GFRA3: variants seen among roughly 807,000 people sequenced by gnomAD.
GFRA3 encodes GDNF family receptor alpha-3.
Under a neutral mutation model 40.0 loss-of-function variants are expected in GFRA3, and 24 were observed. The ratio of observed to expected loss-of-function variants is 0.60; its 90% confidence interval spans 0.43 to 0.84. GFRA3 has a LOEUF of 0.84. Among genes scored for constraint, GFRA3 ranks in the 40% least tolerant of loss-of-function variants. The pLI, the probability that GFRA3 is intolerant of heterozygous loss-of-function variation, is 0.00. For missense variants in GFRA3, 405 were observed against 530.6 expected, an observed-to-expected ratio of 0.76 and a Z score of 2.33; for synonymous variants, 203 against 213.5, an observed-to-expected ratio of 0.95 and a Z score of 0.43.
chr5:138,272,593 G>C (rs1755891956), intron 1 of GFRA3, among the ~76,000 whole-genome samples: 1 of 151,342 alleles, frequency 6.6e-6, no homozygotes, highest in Non-Finnish European at 1.5e-5. Context: ...CAGTGAACTG[G>C]AATCACACCA....
chr5:138,254,034 C>T, intron 5 of GFRA3, 23 bp downstream of exon 5: 1 of 1,570,750 alleles, frequency 6.4e-7, no homozygotes, highest in Non-Finnish European at 8.8e-7. Context: ...CATAGGGTTC[C>T]CTACACATGC....
intron 4 of GFRA3, among the ~76,000 whole-genome samples, chr5:138,256,820 G>A (rs907594993): frequency 4.0e-5 from 6 of 151,760 alleles, no homozygotes; most frequent in African/African-American, 1.5e-4. Flanking sequence ...GGTGGCACAA[G>A]CCTGTAGTCC....
chr5:138,268,284 G>GAAAAAAAAAAAAAAAAAAA (rs60958894), intron 1 of GFRA3, among the ~76,000 whole-genome samples: 2 of 33,150 alleles, frequency 6.0e-5, no homozygotes, highest in Admixed American at 6.1e-4. Context: ...GACTCCATCT[G>GAAAAAAAAAAAAAAAAAAA]AAAAAAAAAA....
At chr5:138,271,909 T>TGTGTGTGTGTGTGTGTA (rs61550132) in intron 1 of GFRA3, among the ~76,000 whole-genome samples, 1 of 99,648 alleles carries the variant, frequency 1.0e-5, no homozygotes, top group Non-Finnish European at 2.1e-5. Context: ...TTTTTTTTTT[T>TGTGTGTGTGTGTGTGTA]TTTTTGTGTG....
At chr5:138,254,278 C>T in intron 4 of GFRA3, 118 bp from the exon 5 acceptor site, 1 of 661,602 alleles carries the variant, frequency 1.5e-6, no homozygotes. Flanking sequence ...ACCTCTGCCT[C>T]CCAGGTTCAA....
At chr5:138,266,831 G>A (rs1459669184) in intron 1 of GFRA3, among the ~76,000 whole-genome samples, 6 of 151,854 alleles carry the variant, frequency 4.0e-5, no homozygotes, top group Admixed American at 3.3e-4. Context: ...ACAGGCACCC[G>A]CCACAATGCT....
chr5:138,263,993 G>T (rs116792216), intron 2 of GFRA3, among the ~76,000 whole-genome samples: 2,348 of 152,220 alleles, frequency 0.015, 38 homozygotes, highest in Non-Finnish European at 0.021. Flanking sequence ...AACTCCCCAG[G>T]TTGGGCCTCA....
At chr5:138,253,213 C>T in intron 7 of GFRA3, 74 bp downstream of exon 7, 1 of 1,034,568 alleles carries the variant, frequency 9.7e-7, no homozygotes, top group South Asian at 1.4e-5. Context: ...GCCTCTATCC[C>T]TTTGTCTGCC....
chr5:138,260,272 C>A (rs532189360), intron 2 of GFRA3, among the ~76,000 whole-genome samples: 4 of 152,314 alleles, frequency 2.6e-5, no homozygotes, highest in South Asian at 4.1e-4. Flanking sequence ...CTTTAAGAAT[C>A]TTCACATGGT....
intron 2 of GFRA3, among the ~76,000 whole-genome samples, chr5:138,261,839 G>A (rs1212483497): frequency 6.6e-6 from 1 of 152,070 alleles, no homozygotes; most frequent in Non-Finnish European, 1.5e-5. Flanking sequence ...ACCAAATGAG[G>A]TATGTGGCTA....
intron 1 of GFRA3, among the ~76,000 whole-genome samples, chr5:138,268,709 T>C (rs1755823164): frequency 6.6e-6 from 1 of 151,842 alleles, no homozygotes; most frequent in Admixed American, 6.6e-5. Flanking sequence ...ACTAACACGA[T>C]GAAACCCCAT....
chr5:138,261,073 TAATAA>T (rs898612371), intron 2 of GFRA3, among the ~76,000 whole-genome samples: 2 of 152,074 alleles, frequency 1.3e-5, no homozygotes, highest in Non-Finnish European at 2.9e-5. Context: ...AGCGCTACAG[TAATAA>T]AATAATATAA....
At chr5:138,259,689 G>C (rs1281914361) in intron 2 of GFRA3, 40 bp from the exon 3 acceptor site, 4 of 872,760 alleles carry the variant, frequency 4.6e-6, no homozygotes, top group Non-Finnish European at 8.0e-6. Context: ...CTGAGGACCA[G>C]GGTGGGGTAG....
intron 2 of GFRA3, among the ~76,000 whole-genome samples, chr5:138,262,696 C>A (rs1206139230): frequency 6.6e-6 from 1 of 152,076 alleles, no homozygotes; most frequent in Non-Finnish European, 1.5e-5. Context: ...TTTAGGGATA[C>A]TCCCGCCTTG....
intron 4 of GFRA3, among the ~76,000 whole-genome samples, chr5:138,255,272 G>C (rs1755611262): frequency 6.6e-6 from 1 of 152,152 alleles, no homozygotes; most frequent in Non-Finnish European, 1.5e-5. Flanking sequence ...TGATTATTAA[G>C]AGCCCTGACT....
At chr5:138,258,412 C>T (rs1269029989) in intron 3 of GFRA3, among the ~76,000 whole-genome samples, 1 of 151,978 alleles carries the variant, frequency 6.6e-6, no homozygotes, top group African/African-American at 2.4e-5. Context: ...GAACTCCCGA[C>T]CTCAGGTAAT....
chr5:138,258,323 C>G (rs1212917762), intron 3 of GFRA3, among the ~76,000 whole-genome samples: 1 of 151,466 alleles, frequency 6.6e-6, no homozygotes, highest in Non-Finnish European at 1.5e-5. Context: ...TGGGATTACA[C>G]GCATGCGCCA....
chr5:138,254,037 A>C lies in GFRA3; in HGVS notation c.889+20T>G. The stretch of plus-strand genomic sequence containing the variant: ...AGGCCTAGCCAACATAGGGTTCCCT[A>C]CACATGCCCCCAGCCTCACCAATCA... On this transcript the variant is annotated intron_variant, in intron 5 of 7. Coordinates refer to ENST00000274721, the MANE Select transcript of GFRA3 (RefSeq NM_001496.4). The C allele has an allele frequency of 6.3e-7, 1 of 1,579,326 alleles. No homozygotes were observed. The highest frequency in any genetic ancestry group is 1.1e-5 in the South Asian group (1 of 90,384).
intron 2 of GFRA3, among the ~76,000 whole-genome samples, chr5:138,263,665 A>G (rs1247489954): frequency 6.6e-6 from 1 of 152,230 alleles, no homozygotes; most frequent in Non-Finnish European, 1.5e-5. Context: ...TCCCAGAATG[A>G]AGAAGGCCCA....
Sources: allele counts gnomAD v4.1 joint callset (sites outside exome capture counted in the v4.1 genomes callset), GRCh38; gene constraint gnomAD v4.1.1; transcripts MANE v1.5; gene names NCBI Gene and HGNC (gene_info 2026-07-23, HGNC 2026-07-21).